Variants in RCBTB1 observed in about 807,000 individuals in gnomAD.
RCBTB1 encodes the protein RCC1 and BTB domain-containing protein 1.
Under a neutral mutation model 62.4 loss-of-function variants are expected in RCBTB1, and 46 were observed. That is an observed-to-expected ratio of 0.74 (90% confidence interval 0.58 to 0.94). The LOEUF (loss-of-function observed/expected upper bound fraction) is 0.94. Ranked by LOEUF, RCBTB1 falls within the 40% of genes least tolerant of loss-of-function variation. RCBTB1 has a pLI of 0.00. For synonymous variants in RCBTB1, 222 were observed against 245.8 expected (o/e 0.90, Z 0.91); for missense variants, 565 against 654.9 (o/e 0.86, Z 1.50).
chr13:49,550,542 C>T, intron 8 of RCBTB1: 4 of 382,330 alleles, frequency 1.0e-5, no homozygotes, highest in Non-Finnish European at 1.4e-5. Flanking sequence ...CATATTATAT[C>T]AAATCAATAT....
At position 49,565,652 on chromosome 13, in the gene RCBTB1, C is replaced by T. The variant is rs1230412380; in HGVS notation, c.277+966G>A. On this transcript the variant is annotated intron_variant, in intron 4 of 12. Transcript: ENST00000378302. Reference sequence around the variant, plus strand: ...CCGACCCCGTCTGGGAGGTGAGGAGCGTCTCTGCCCGGCCGCCCCGTCTGA... The same window carrying T: ...CCGACCCCGTCTGGGAGGTGAGGAGTGTCTCTGCCCGGCCGCCCCGTCTGA... Among the ~76,000 whole-genome samples the T allele has an allele frequency of 3.7e-5, 5 of 135,410 alleles. 1 individual carries two copies. Among genetic ancestry groups the T allele is most frequent in the East Asian group, 2.2e-4 (1 of 4,548 alleles). 88.8% of individuals were successfully genotyped at this position (135,410 alleles called of 152,430 possible).
At chr13:49,563,464 A>G (rs1385502456) in intron 4 of RCBTB1, among the ~76,000 whole-genome samples, 1 of 151,916 alleles carries the variant, frequency 6.6e-6, no homozygotes, top group Non-Finnish European at 1.5e-5. Context: ...GGAGTTCAAG[A>G]TCAGCCTGGT....
chr13:49,572,328 GAAAAA>G (rs757780948), intron 2 of RCBTB1, among the ~76,000 whole-genome samples: 2 of 101,062 alleles, frequency 2.0e-5, no homozygotes, highest in Non-Finnish European at 4.2e-5. Context: ...CTCTGTCTCA[GAAAAA>G]AAAAAAAAAA....
rs1960958095 is a variant in RCBTB1, at chr13:49,547,980, TGTTG to T, written c.1045+1474_1045+1477del. Reference sequence around the variant, plus strand: ...TTTTTGTAGAGATGGGGTTTCGCCATGTTGCCCAGGCTGGTCTAAAACTCCTGAG... The same window carrying T: ...TTTTTGTAGAGATGGGGTTTCGCCATCCCAGGCTGGTCTAAAACTCCTGAG... On this transcript the variant is annotated intron_variant, in intron 9 of 12. Transcript: ENST00000378302. Among the ~76,000 whole-genome samples, 3 of 152,128 alleles carry T rather than the reference TGTTG, an allele frequency of 2.0e-5. No homozygotes were observed. In the South Asian group the frequency reaches 6.2e-4, roughly 31 times the overall value.
At chr13:49,564,898 A>AAG (rs1962798679) in intron 4 of RCBTB1, among the ~76,000 whole-genome samples, 2 of 149,672 alleles carry the variant, frequency 1.3e-5, no homozygotes, top group South Asian at 2.1e-4. Context: ...CTCAAAAAAA[A>AAG]AAAGAAAGAA....
At chr13:49,550,046 G>A (rs1961194271) in intron 8 of RCBTB1, 1 of 436,270 alleles carries the variant, frequency 2.3e-6, no homozygotes, top group African/African-American at 2.2e-5. Context: ...CTAGAGCGCA[G>A]TGGCATGACC....
chr13:49,563,567 G>A (rs1962648222), intron 4 of RCBTB1, among the ~76,000 whole-genome samples: 1 of 152,110 alleles, frequency 6.6e-6, no homozygotes, highest in Non-Finnish European at 1.5e-5. Context: ...GCTGAGGCAT[G>A]AGAATTGCTT....
At chr13:49,580,078 G>A (rs572083159) in intron 2 of RCBTB1, among the ~76,000 whole-genome samples, 2 of 152,208 alleles carry the variant, frequency 1.3e-5, no homozygotes, top group African/African-American at 4.8e-5. Context: ...AGCATTAGCA[G>A]TGAAAAAAAT....
intron 12 of RCBTB1, among the ~76,000 whole-genome samples, chr13:49,538,692 G>A (rs1427327216): frequency 2.0e-5 from 3 of 151,294 alleles, no homozygotes; most frequent in Admixed American, 1.3e-4. Flanking sequence ...CTTCAGCCTG[G>A]GCAACAGAAC....
At chr13:49,565,118 G>T (rs1962819610) in intron 4 of RCBTB1, among the ~76,000 whole-genome samples, 2 of 152,242 alleles carry the variant, frequency 1.3e-5, no homozygotes, top group South Asian at 4.2e-4. Context: ...CTCCCTGCCT[G>T]ATTCTCCTGC....
chr13:49,534,037 G>T lies in RCBTB1; in HGVS notation c.*85C>A. ...ACAACCTGATGGTCTTTTACCTGCA[G>T]AATCACATCACCCGTAGAGCACAAA... On this transcript the variant is annotated 3_prime_UTR_variant, in exon 13 of 13. Transcript: ENST00000378302. The T allele has an allele frequency of 1.4e-6, 2 of 1,406,426 alleles. No individual in the cohort carries two copies. Among genetic ancestry groups the T allele is most frequent in the South Asian group, 1.4e-5 (1 of 73,676 alleles). 87.1% of individuals were successfully genotyped at this position (1,406,426 alleles called of 1,614,324 possible).
chr13:49,565,186 C>T (rs979181245), intron 4 of RCBTB1, among the ~76,000 whole-genome samples: 2 of 152,208 alleles, frequency 1.3e-5, no homozygotes, highest in Non-Finnish European at 2.9e-5. Context: ...GACTGGTTTT[C>T]GTATTTTTTT....
At chr13:49,568,838 A>T (rs908084522) in intron 2 of RCBTB1, among the ~76,000 whole-genome samples, 1 of 152,186 alleles carries the variant, frequency 6.6e-6, no homozygotes, top group African/African-American at 2.4e-5. Flanking sequence ...CTGAGGCAGG[A>T]GAATCACTTG....
At chr13:49,581,592 GA>G (rs1430284490) in intron 1 of RCBTB1, among the ~76,000 whole-genome samples, 1 of 152,156 alleles carries the variant, frequency 6.6e-6, no homozygotes, top group Non-Finnish European at 1.5e-5. Flanking sequence ...AATCACCCAG[GA>G]AAAAAGCAAG....
chr13:49,583,382 G>GTGTA (rs926998893), intron 1 of RCBTB1, among the ~76,000 whole-genome samples: 1 of 81,084 alleles, frequency 1.2e-5, no homozygotes, highest in Non-Finnish European at 2.6e-5. Flanking sequence ...GTGTGCTTTT[G>GTGTA]TGTATGTGTG....
chr13:49,560,186 C>T, intron 4 of RCBTB1, 102 bp from the exon 5 acceptor site: 4 of 1,264,908 alleles, frequency 3.2e-6, no homozygotes, highest in Non-Finnish European at 4.4e-6. Context: ...ACCTTCATTT[C>T]TCTCCCATTG....
chr13:49,542,467 T>C (rs560123958), intron 10 of RCBTB1, among the ~76,000 whole-genome samples: 1 of 152,344 alleles, frequency 6.6e-6, no homozygotes, highest in Admixed American at 6.5e-5. Context: ...CTTTGTTTTT[T>C]TTAAAATGAT....
intron 3 of RCBTB1, 60 bp from the exon 4 acceptor site, chr13:49,566,828 CTT>C: frequency 6.9e-7 from 1 of 1,453,490 alleles, no homozygotes; most frequent in Non-Finnish European, 9.4e-7. Flanking sequence ...TAAAAGCTCC[CTT>C]CTCTCCTCTG....
chr13:49,546,341 A>C (rs893475930), intron 9 of RCBTB1: 4 of 985,228 alleles, frequency 4.1e-6, no homozygotes, highest in African/African-American at 3.5e-5. Flanking sequence ...GGGAAAAAAC[A>C]CTTTTGACTT....
Sources: gnomAD v4.1 joint callset for allele counts (sites outside exome capture counted in the v4.1 genomes callset) on GRCh38, gnomAD v4.1.1 for gene constraint, MANE v1.5 for transcripts, NCBI Gene and HGNC (gene_info 2026-07-23, HGNC 2026-07-21) for gene names.